GRID2: variants seen among roughly 807,000 people sequenced by gnomAD.
GRID2 encodes glutamate receptor ionotropic, delta-2.
In GRID2, 33 loss-of-function variants were observed where a neutral mutation model predicts 114.8. The observed-to-expected ratio is 0.29, with a 90% CI of 0.22 to 0.38. The LOEUF is 0.38. Among genes scored for constraint, GRID2 ranks in the 10% least tolerant of loss-of-function variants. GRID2 has a pLI of 1.00. For synonymous variants in GRID2, 505 were observed against 449.9 expected, an observed-to-expected ratio of 1.12 and a Z score of -1.55; for missense variants, 1,184 against 1,257.7, an observed-to-expected ratio of 0.94 and a Z score of 0.89.
intron 1 of GRID2, among the ~76,000 whole-genome samples, chr4:92,356,489 A>G (rs1168250819): frequency 6.6e-6 from 1 of 151,574 alleles, no homozygotes; most frequent in Admixed American, 6.6e-5. Context: ...TGAGATTCTC[A>G]GCCATAAAAA....
intron 1 of GRID2, among the ~76,000 whole-genome samples, chr4:92,411,655 G>GTGTGTGTGTGTGTATATATATATA: frequency 4.7e-5 from 4 of 84,692 alleles, no homozygotes; most frequent in African/African-American, 1.8e-4. Flanking sequence ...GTGTGTGTGT[G>GTGTGTGTGTGTGTATATATATATA]TATATATATA....
intron 9 of GRID2, among the ~76,000 whole-genome samples, chr4:93,420,611 C>T (rs1198674987): frequency 6.6e-6 from 1 of 151,808 alleles, no homozygotes; most frequent in African/African-American, 2.4e-5. Context: ...TTCTGAAAAC[C>T]TCTCATCTAC....
chr4:93,594,944 C>T (rs1578350541), intron 13 of GRID2, among the ~76,000 whole-genome samples: 1 of 152,198 alleles, frequency 6.6e-6, no homozygotes, highest in Non-Finnish European at 1.5e-5. Context: ...CTGACCTGCA[C>T]CCACTGTCTG....
chr4:92,367,535 T>G (rs1222074877), intron 1 of GRID2, among the ~76,000 whole-genome samples: 3 of 151,744 alleles, frequency 2.0e-5, no homozygotes, highest in Non-Finnish European at 4.4e-5. Flanking sequence ...TTGCTTTAGG[T>G]AAGAAAGATC....
intron 3 of GRID2, among the ~76,000 whole-genome samples, chr4:93,107,349 T>C (rs1732335734): frequency 6.6e-6 from 1 of 151,978 alleles, no homozygotes; most frequent in Non-Finnish European, 1.5e-5. Flanking sequence ...AGGAGAAATT[T>C]TCAAAAAATG....
chr4:92,915,714 C>T (rs1002603992), intron 2 of GRID2, among the ~76,000 whole-genome samples: 8 of 152,074 alleles, frequency 5.3e-5, no homozygotes, highest in South Asian at 2.1e-4. Context: ...TACTGCATAG[C>T]GTGGCCAGCA....
chr4:92,306,628 T>C (rs2110102490), intron 1 of GRID2, among the ~76,000 whole-genome samples: 1 of 152,372 alleles, frequency 6.6e-6, no homozygotes, highest in African/African-American at 2.4e-5. Flanking sequence ...GTGGTCTGCA[T>C]GATAAATACA....
intron 8 of GRID2, among the ~76,000 whole-genome samples, chr4:93,256,782 G>A (rs1749645309): frequency 6.6e-6 from 1 of 151,880 alleles, no homozygotes; most frequent in African/African-American, 2.4e-5. Flanking sequence ...TACTGCGAGG[G>A]AAAAGGGTCA....
chr4:93,051,555 A>G (rs898612354), intron 2 of GRID2, among the ~76,000 whole-genome samples: 2 of 152,036 alleles, frequency 1.3e-5, no homozygotes, highest in Admixed American at 6.6e-5. Context: ...GAGAAAAAAC[A>G]TAAGCATTGA....
chr4:92,733,757 G>A lies in GRID2; in HGVS notation c.244+143471G>A, dbSNP rs1736446130. 1.3e-5 allele frequency among the ~76,000 whole-genome samples: 2 copies of A among 152,028 alleles called. 1 individual carries two copies. Among genetic ancestry groups the A allele is most frequent in the South Asian group, 4.1e-4 (2 of 4,826 alleles). On this transcript the variant is annotated intron_variant, in intron 2 of 15. Coordinates refer to ENST00000282020, the MANE Select transcript of GRID2 (RefSeq NM_001510.4). Reference sequence around the variant, plus strand: ...TGAGTTAAATCAAGTGTAAGATCCTGGGGGCTGTGATCCTGGCTCTGTCCC... The same window carrying A: ...TGAGTTAAATCAAGTGTAAGATCCTAGGGGCTGTGATCCTGGCTCTGTCCC...
intron 12 of GRID2, among the ~76,000 whole-genome samples, chr4:93,507,514 C>T (rs972896192): frequency 6.6e-5 from 10 of 152,182 alleles, no homozygotes; most frequent in African/African-American, 1.9e-4. Context: ...TGACTGTCCT[C>T]GACTTGTTCT....
At chr4:92,922,497 A>T (rs113662137) in intron 2 of GRID2, among the ~76,000 whole-genome samples, 2,268 of 152,186 alleles carry the variant, frequency 0.015, 22 homozygotes, top group East Asian at 0.054. Context: ...CCCCCCCAGA[A>T]ACTGACACTT....
chr4:93,589,996 TG>T (rs1423536110), intron 13 of GRID2, among the ~76,000 whole-genome samples: 1 of 150,704 alleles, frequency 6.6e-6, no homozygotes, highest in African/African-American at 2.4e-5. Flanking sequence ...TCTCCCATTT[TG>T]TAGGTTGCCT....
chr4:93,155,540 T>C (rs1342746698), intron 4 of GRID2, among the ~76,000 whole-genome samples: 4 of 152,028 alleles, frequency 2.6e-5, no homozygotes, highest in Non-Finnish European at 4.4e-5. Context: ...TTTCCTATAC[T>C]CTAAGCCACT....
chr4:93,718,412 T>C (rs1311888042), intron 14 of GRID2, among the ~76,000 whole-genome samples: 1 of 152,180 alleles, frequency 6.6e-6, no homozygotes, highest in Non-Finnish European at 1.5e-5. Context: ...AAATACTCCA[T>C]ATTCAGGCAA....
At chr4:92,645,361 A>G (rs1040131140) in intron 2 of GRID2, among the ~76,000 whole-genome samples, 4 of 151,542 alleles carry the variant, frequency 2.6e-5, no homozygotes, top group South Asian at 2.1e-4. Context: ...TTCTCCCTAT[A>G]TTACCTATTT....
intron 2 of GRID2, among the ~76,000 whole-genome samples, chr4:92,934,429 G>A (rs1433398800): frequency 4.7e-5 from 7 of 147,960 alleles, no homozygotes; most frequent in African/African-American, 1.7e-4. Flanking sequence ...GAGATTTTGG[G>A]CTGAGACAAT....
At chr4:93,724,636 A>G (rs1296569199) in intron 14 of GRID2, among the ~76,000 whole-genome samples, 1 of 152,146 alleles carries the variant, frequency 6.6e-6, no homozygotes, top group East Asian at 1.9e-4. Flanking sequence ...ATGAGTGCCC[A>G]TATGAAGGTG....
chr4:93,595,670 C>T (rs140492515), intron 13 of GRID2, among the ~76,000 whole-genome samples: 8 of 152,240 alleles, frequency 5.3e-5, no homozygotes, highest in Admixed American at 5.2e-4. Flanking sequence ...ACCTATAGGC[C>T]TTTTATTGCC....
Sources: gnomAD v4.1 joint callset for allele counts (sites outside exome capture counted in the v4.1 genomes callset) on GRCh38, gnomAD v4.1.1 for gene constraint, MANE v1.5 for transcripts, NCBI Gene and HGNC (gene_info 2026-07-23, HGNC 2026-07-21) for gene names.